ADGRG6: variants seen among roughly 807,000 people sequenced by gnomAD.
ADGRG6 encodes adhesion G protein-coupled receptor G6.
A neutral mutation model predicts 142.4 loss-of-function variants in ADGRG6; 84 were observed. The observed-to-expected ratio is 0.59, with a 90% CI of 0.49 to 0.71. The LOEUF (loss-of-function observed/expected upper bound fraction) is 0.71, where lower values mean the gene tolerates loss of function less well. Ranked by LOEUF, ADGRG6 falls within the 30% of genes least tolerant of loss-of-function variation. The pLI is 0.00. For synonymous variants in ADGRG6, 521 were observed against 520.5 expected, an observed-to-expected ratio of 1.00 and a Z score of -0.01; for missense variants, 1,367 against 1,466.6, an observed-to-expected ratio of 0.93 and a Z score of 1.11.
chr6:142,335,218 T>C (rs1779255645), intron 2 of ADGRG6, among the ~76,000 whole-genome samples: 1 of 152,190 alleles, frequency 6.6e-6, no homozygotes, highest in South Asian at 2.1e-4. Context: ...TTTAGATGTT[T>C]GGTTTTTGGT....
rs80038553 is a variant in ADGRG6 at position 142,363,972 on chromosome 6, C to T, written c.104-3597C>T. 6.9e-3 allele frequency among the ~76,000 whole-genome samples: 1,040 copies of T among 150,476 alleles called. 7 individuals are homozygous for T. The highest frequency in any genetic ancestry group is 0.024 in the African/African-American group (994 of 41,074). On this transcript the variant is annotated intron_variant, in intron 2 of 24. Coordinates refer to ENST00000367609, the MANE Select transcript of ADGRG6 (RefSeq NM_198569.3). ...CTCTTAAAGAAGCACTTGAGCTCAC[C>T]GTTTTGTTCTGTATTTTTTGTTTAA...
At chr6:142,432,706 GTCTTA>G (rs1365224429) in intron 22 of ADGRG6, among the ~76,000 whole-genome samples, 1 of 152,126 alleles carries the variant, frequency 6.6e-6, no homozygotes, top group Non-Finnish European at 1.5e-5. Context: ...TATTAAGTCA[GTCTTA>G]TCTTTAACTT....
intron 14 of ADGRG6, 21 bp from the exon 15 acceptor site, chr6:142,405,667 A>T: frequency 1.9e-6 from 3 of 1,583,428 alleles, no homozygotes; most frequent in Non-Finnish European, 2.6e-6. Context: ...CTTGACCAAT[A>T]TATCTGTGTG....
chr6:142,334,692 G>C (rs1054071803), intron 2 of ADGRG6, among the ~76,000 whole-genome samples: 1 of 152,134 alleles, frequency 6.6e-6, no homozygotes, highest in Non-Finnish European at 1.5e-5. Flanking sequence ...AGTTTGAATC[G>C]GGTGAACCTG....
intron 14 of ADGRG6, chr6:142,405,339 A>G (rs905267326): frequency 1.1e-5 from 5 of 463,364 alleles, no homozygotes; most frequent in Non-Finnish European, 2.2e-5. Flanking sequence ...CCTTTCTCCC[A>G]TAGTTATTAT....
chr6:142,416,408 A>G (rs1776361076), intron 20 of ADGRG6, among the ~76,000 whole-genome samples: 1 of 152,190 alleles, frequency 6.6e-6, no homozygotes, highest in Non-Finnish European at 1.5e-5. Flanking sequence ...TACAAAGGCC[A>G]GCTCAGACGG....
At chr6:142,348,617 T>A (rs527743428) in intron 2 of ADGRG6, among the ~76,000 whole-genome samples, 31 of 151,384 alleles carry the variant, frequency 2.0e-4, no homozygotes, top group African/African-American at 7.5e-4. Context: ...AATATTTGAA[T>A]GTGAGGGGTG....
Position 142,400,500 on chromosome 6 carries a change from T to A in ADGRG6, c.1583T>A (p.Met528Lys). ...NVRQLGHCLAMEEPKGYYWPS... is the reference protein window; with the variant it reads ...NVRQLGHCLAKEEPKGYYWPS... ...GTTCATATAGGTCATTGTCTTGCCATGGAGGAACCCAAAGGCTACTACTGG... is the reference window on the plus strand; with the variant it reads ...GTTCATATAGGTCATTGTCTTGCCAAGGAGGAACCCAAAGGCTACTACTGG... The change falls in exon 11 of 25, where the codon ATG becomes AAG. Residue 528 changes from methionine to lysine, a missense_variant. Around this residue, in one of 3 missense-constraint regions of ADGRG6, gnomAD observed 737 missense variants for 746.5 expected, o/e 0.99. Coordinates refer to ENST00000367609, the MANE Select transcript of ADGRG6 (RefSeq NM_198569.3). The A allele has an allele frequency of 2.6e-6, 4 of 1,553,092 alleles. No homozygotes were observed. Among genetic ancestry groups the A allele is most frequent in the Non-Finnish European group, 3.6e-6 (4 of 1,125,130 alleles).
rs1775591731 is a variant in ADGRG6, at chr6:142,402,781, TC to T, written c.1907del (p.Ser636LeufsTer4). The stretch of plus-strand genomic sequence containing the variant: ...TGGCTCAACTCTAATGAATATATTT[TC>T]TAATATCTTAAGCAGTTCAGACAGT... The part of the protein sequence containing the change: ...TLGSTLMNIF[S>X]NILSSSDSDL... On this transcript the variant is annotated frameshift_variant, in exon 13 of 25. Coordinates refer to ENST00000367609, the MANE Select transcript of ADGRG6 (RefSeq NM_198569.3). LOFTEE classifies it high-confidence loss of function. The T allele has an allele frequency of 1.2e-6, 2 of 1,604,658 alleles. No homozygotes were observed. Among genetic ancestry groups the T allele is most frequent in the East Asian group, 4.5e-5 (2 of 44,724 alleles).
chr6:142,384,314 A>G (rs1043694276), intron 6 of ADGRG6, among the ~76,000 whole-genome samples: 1 of 152,182 alleles, frequency 6.6e-6, no homozygotes, highest in Non-Finnish European at 1.5e-5. Context: ...ATCAATGTCC[A>G]TAGTAATACT....
At chr6:142,431,273 G>A in intron 22 of ADGRG6, among the ~76,000 whole-genome samples, 1 of 152,010 alleles carries the variant, frequency 6.6e-6, no homozygotes, top group Admixed American at 6.6e-5. Context: ...AAGAATCAAG[G>A]CAGTTATCAA....
chr6:142,366,465 T>G (rs768754356), intron 2 of ADGRG6, among the ~76,000 whole-genome samples: 9 of 152,226 alleles, frequency 5.9e-5, no homozygotes, highest in Non-Finnish European at 1.3e-4. Context: ...TCCTCAAATG[T>G]CACCTCTTTG....
intron 2 of ADGRG6, among the ~76,000 whole-genome samples, chr6:142,331,715 GT>G (rs869304630): frequency 1.3e-5 from 2 of 150,572 alleles, no homozygotes; most frequent in Non-Finnish European, 3.0e-5. Context: ...TGCCTTCTCT[GT>G]TTTTTTTGTA....
At chr6:142,437,557 T>G in intron 23 of ADGRG6, 22 bp downstream of exon 23, 1 of 1,078,724 alleles carries the variant, frequency 9.3e-7, no homozygotes, top group Non-Finnish European at 1.4e-6. Context: ...TTGATTAAAT[T>G]TTACATCTAC....
Position 142,331,994 on chromosome 6 carries a change from C to T in ADGRG6, c.103+22350C>T, listed in dbSNP as rs1404737272. On this transcript the variant is annotated intron_variant, in intron 2 of 24. Coordinates refer to ENST00000367609, the MANE Select transcript of ADGRG6 (RefSeq NM_198569.3). ...CAGTAATAACAGCTTTATAATGGGA[C>T]AATTAAATACAGATCATTAGGTTTT... 2.0e-5 allele frequency among the ~76,000 whole-genome samples: 3 copies of T among 151,954 alleles called. No homozygotes were observed. The East Asian group carries it at 5.8e-4, about 29-fold the overall frequency.
At chr6:142,372,029 C>G (rs1488220419) in intron 4 of ADGRG6, among the ~76,000 whole-genome samples, 1 of 152,070 alleles carries the variant, frequency 6.6e-6, no homozygotes, top group Non-Finnish European at 1.5e-5. Flanking sequence ...GTTTCAAATA[C>G]TGTGCTGTCT....
At chr6:142,402,446 C>T (rs1775569738) in intron 12 of ADGRG6, among the ~76,000 whole-genome samples, 174 bp from the exon 13 acceptor site, 1 of 152,080 alleles carries the variant, frequency 6.6e-6, no homozygotes, top group South Asian at 2.1e-4. Flanking sequence ...AAGTTAGTCT[C>T]TGCATAGAAA....
chr6:142,397,728 C>A lies in ADGRG6; in HGVS notation c.1540C>A (p.Leu514Ile). Residue 514 changes from leucine to isoleucine, a missense_variant, in exon 10 of 25, where the codon CTA becomes ATA. Leu to Ile is a conservative substitution (Grantham distance 5, BLOSUM62 2). Transcript: ENST00000367609. ...NNESLDEGLR[L>I]HTVNVRQLGH... ...TGAGTCCTTGGATGAAGGCTTGAGG[C>A]TACATACAGTGAATGTGAGACAACT... 1 of 1,592,682 alleles carries A rather than the reference C, an allele frequency of 6.3e-7. No individual in the cohort carries two copies. The highest frequency in any genetic ancestry group is 1.4e-5 in the African/African-American group (1 of 73,598).
chr6:142,412,339 A>G (rs1776130478), intron 18 of ADGRG6, among the ~76,000 whole-genome samples: 1 of 152,172 alleles, frequency 6.6e-6, no homozygotes, highest in Non-Finnish European at 1.5e-5. Context: ...CTGAGGCAAT[A>G]AAGCTTTTCA....
Sources: gnomAD v4.1 joint callset for allele counts (sites outside exome capture counted in the v4.1 genomes callset) on GRCh38, gnomAD v4.1.1 for gene constraint, gnomAD v4.1.1 regional missense constraint, MANE v1.5 for transcripts, NCBI Gene and HGNC (gene_info 2026-07-23, HGNC 2026-07-21) for gene names.